N4BP2L2: variants seen among roughly 807,000 people sequenced by gnomAD.
N4BP2L2 encodes the protein NEDD4-binding protein 2-like 2.
Under a neutral mutation model 56.2 loss-of-function variants are expected in N4BP2L2, and 50 were observed. That is an observed-to-expected ratio of 0.89 (90% confidence interval 0.71 to 1.13). The LOEUF (loss-of-function observed/expected upper bound fraction) is 1.13, where lower values mean the gene tolerates loss of function less well. Ranked by LOEUF, N4BP2L2 falls within the 50% of genes most tolerant of loss-of-function variation. N4BP2L2 has a pLI of 0.00. For synonymous variants in N4BP2L2, 203 were observed against 223.6 expected (o/e 0.91, Z 0.82); for missense variants, 689 against 693.8 (o/e 0.99, Z 0.08).
chr13:32,438,781 A>C, intron 7 of N4BP2L2: 1 of 1,445,962 alleles, frequency 6.9e-7, no homozygotes, highest in Non-Finnish European at 9.6e-7. Flanking sequence ...AATGTCACAC[A>C]GATTTTTGCC....
chr13:32,436,320 T>A, intron 9 of N4BP2L2: 2 of 948,202 alleles, frequency 2.1e-6, no homozygotes, highest in Non-Finnish European at 3.1e-6. Context: ...GATTAACTAT[T>A]TTATGATCAA....
At chr13:32,442,564 T>G (rs1359127257) in exon 7 of N4BP2L2, 1 of 1,613,748 alleles carries the variant, frequency 6.2e-7, no homozygotes, top group East Asian at 2.2e-5. Context: ...ATTTAAAAAG[T>G]GAAAATCAGA....
intron 6 of N4BP2L2, among the ~76,000 whole-genome samples, chr13:32,457,458 C>T (rs2079159864): frequency 6.6e-6 from 1 of 151,960 alleles, no homozygotes; most frequent in Admixed American, 6.6e-5. Flanking sequence ...GTCAAAGAGA[C>T]AATTCTGAAA....
exon 7 of N4BP2L2, chr13:32,443,220 T>C: frequency 6.2e-7 from 1 of 1,613,552 alleles, no homozygotes; most frequent in Non-Finnish European, 8.5e-7. Context: ...GTAGTTTGTC[T>C]GTCAATATTT....
At chr13:32,489,217 T>C (rs2086539830) in intron 6 of N4BP2L2, among the ~76,000 whole-genome samples, 4 of 152,270 alleles carry the variant, frequency 2.6e-5, no homozygotes, top group Admixed American at 1.3e-4. Flanking sequence ...ATGACTTCAC[T>C]ACATTCTCAT....
intron 5 of N4BP2L2, among the ~76,000 whole-genome samples, chr13:32,520,674 A>C (rs375992670): frequency 2.2e-4 from 33 of 152,134 alleles, no homozygotes; most frequent in African/African-American, 7.5e-4. Flanking sequence ...AAAAAAAGTA[A>C]AGGAAAAAAA....
chr13:32,517,566 G>C, exon 6 of N4BP2L2: 1 of 1,268,546 alleles, frequency 7.9e-7, no homozygotes, highest in East Asian at 3.6e-5. Context: ...TATTACTCAG[G>C]TGCTTCCATA....
intron 7 of N4BP2L2, among the ~76,000 whole-genome samples, chr13:32,440,313 A>G (rs2076116890): frequency 6.6e-6 from 1 of 152,158 alleles, no homozygotes; most frequent in East Asian, 1.9e-4. Flanking sequence ...AACAGAAGAT[A>G]CAGGAGAACT....
chr13:32,498,059 C>G (rs1212680134), intron 6 of N4BP2L2, among the ~76,000 whole-genome samples: 1 of 152,162 alleles, frequency 6.6e-6, no homozygotes, highest in Non-Finnish European at 1.5e-5. Flanking sequence ...GATCTCAGCT[C>G]ATTTCAACCT....
At chr13:32,506,428 A>G (rs1021896350), downstream of N4BP2L2, 2 of 152,210 alleles carry the variant, frequency 1.3e-5, no homozygotes, top group African/African-American at 4.8e-5. Flanking sequence ...ATCCCATAAC[A>G]AACCCAAACT....
exon 2 of N4BP2L2, chr13:32,535,832 T>C (rs774743814): frequency 6.2e-7 from 1 of 1,614,152 alleles, no homozygotes; most frequent in Non-Finnish European, 8.5e-7. Context: ...CTTCTGCAAT[T>C]TATTTAACTT....
chr13:32,516,688 G>C (rs529193250), exon 6 of N4BP2L2: 1 of 162,548 alleles, frequency 6.2e-6, no homozygotes, highest in East Asian at 1.9e-4. Flanking sequence ...AATTAGCTGG[G>C]TTTTTTTTCC....
At chr13:32,481,073 C>T (rs1157366064) in intron 6 of N4BP2L2, among the ~76,000 whole-genome samples, 1 of 124,498 alleles carries the variant, frequency 8.0e-6, no homozygotes, top group Non-Finnish European at 1.6e-5. Context: ...GAGCCGAGAT[C>T]ACACCACTGC....
At chr13:32,436,785 C>CAAAAAAA (rs1174354861) in intron 8 of N4BP2L2, among the ~76,000 whole-genome samples, 9 of 44,970 alleles carry the variant, frequency 2.0e-4, no homozygotes, top group Admixed American at 7.4e-4. Flanking sequence ...GTGTGACTGT[C>CAAAAAAA]AAAAAAAAAA....
chr13:32,493,572 C>A (rs1047934730), intron 6 of N4BP2L2, among the ~76,000 whole-genome samples: 1 of 152,088 alleles, frequency 6.6e-6, no homozygotes, highest in African/African-American at 2.4e-5. Context: ...TTGGATGAGT[C>A]CCCCCGCCCC....
At chr13:32,504,106 G>A (rs2090508901) in intron 6 of N4BP2L2, among the ~76,000 whole-genome samples, 1 of 152,164 alleles carries the variant, frequency 6.6e-6, no homozygotes, top group Admixed American at 6.5e-5. Flanking sequence ...TATAACAGAT[G>A]AATTAGGACC....
intron 6 of N4BP2L2, among the ~76,000 whole-genome samples, chr13:32,491,043 T>C (rs1319672719): frequency 6.6e-6 from 1 of 150,390 alleles, no homozygotes; most frequent in Non-Finnish European, 1.5e-5. Context: ...TGAGACCTAC[T>C]AATGCCTCCA....
Position 32,442,670 on chromosome 13 carries a change from G to A in N4BP2L2, c.1822C>T (p.Gln608Ter). 1 of 1,613,836 alleles carries A rather than the reference G, an allele frequency of 6.2e-7. No individual in the cohort carries two copies. The highest frequency in any genetic ancestry group is 1.7e-5 in the Admixed American group (1 of 60,016). Residue 608 changes from glutamine to a stop codon, truncating the protein, a stop_gained, in exon 7 of 10, where the codon CAG becomes TAG. Coordinates refer to the N4BP2L2 transcript ENST00000357505. LOFTEE classifies it high-confidence loss of function. ...TTTAGTTTATTACCTACTCTTGTCT[G>A]AGATTCGAAAGTCAAAAACAGTTTC...
At chr13:32,523,851 A>T (rs1410323394) in intron 3 of N4BP2L2, 1 of 152,152 alleles carries the variant, frequency 6.6e-6, no homozygotes. Context: ...GACTACAAAT[A>T]GGATGCAGTG....
Sources: allele counts gnomAD v4.1 joint callset (sites outside exome capture counted in the v4.1 genomes callset), GRCh38; gene constraint gnomAD v4.1.1; transcripts MANE v1.5; gene names NCBI Gene and HGNC (gene_info 2026-07-23, HGNC 2026-07-21).